GZMH: variants seen among roughly 807,000 people sequenced by gnomAD.
The protein encoded by GZMH is cathepsin G-like 2, protein h-CCPX.
In GZMH, 24 loss-of-function variants were observed where a neutral mutation model predicts 20.7. The ratio of observed to expected loss-of-function variants is 1.16; its 90% CI spans 0.84 to 1.63. GZMH has a LOEUF of 1.63. Among genes scored for constraint, GZMH ranks in the 40% most tolerant of loss-of-function variants. The pLI is 0.00. For missense variants in GZMH, 344 were observed against 302.7 expected, an observed-to-expected ratio of 1.14 and a Z score of -1.01; for synonymous variants, 119 against 116.1, an observed-to-expected ratio of 1.02 and a Z score of -0.16.
intron 2 of GZMH, 26 bp downstream of exon 2, chr14:24,608,239 G>T: frequency 6.2e-7 from 1 of 1,613,656 alleles, no homozygotes; most frequent in African/African-American, 1.3e-5. Context: ...GGGGAACTCA[G>T]GAGGTGAGCT....
chr14:24,608,397 C>A lies in GZMH; in HGVS notation c.71G>T (p.Gly24Val). The A allele has an allele frequency of 4.3e-6, 7 of 1,614,004 alleles. No homozygotes were observed. The highest frequency in any genetic ancestry group is 5.9e-6 in the Non-Finnish European group (7 of 1,179,918). Reference protein sequence around the residue: ...PGAGTEEIIGGHEAKPHSRPY... With the variant: ...PGAGTEEIIGVHEAKPHSRPY... ...GCGGGAGTGGGGCTTGGCCTCATGG[C>A]CCCCGATGATCTCCTCTGAAAGGAA... The change falls in exon 2 of 5, where the codon GGC (glycine) becomes GTC (valine). Residue 24 changes from glycine (G) to valine (V), a missense_variant. Coordinates refer to ENST00000216338, the MANE Select transcript of GZMH (RefSeq NM_033423.5).
In GZMH at chr14:24,609,541, A is replaced by G; in HGVS notation, c.55+18T>C. Reference sequence around the variant, plus strand: ...TATAAGATGGGTTCAGGCCTCTGGAATAGGGATAGTCACTTACCTGTCCCA... The same window carrying G: ...TATAAGATGGGTTCAGGCCTCTGGAGTAGGGATAGTCACTTACCTGTCCCA... On this transcript the variant is annotated intron_variant, in intron 1 of 4. Transcript: ENST00000216338. The G allele has an allele frequency of 6.3e-7, 1 of 1,578,756 alleles. No individual in the cohort carries two copies. Among genetic ancestry groups the G allele is most frequent in the East Asian group, 2.3e-5 (1 of 43,810 alleles).
At chr14:24,607,050 TG>T in intron 4 of GZMH, 98 bp downstream of exon 4, 1 of 1,290,656 alleles carries the variant, frequency 7.7e-7, no homozygotes, top group Non-Finnish European at 1.1e-6. Context: ...GCCCAAGCTC[TG>T]GGCTGAGAGC....
chr14:24,606,726 G>A lies in GZMH; in HGVS notation c.618C>T (p.Leu206=), dbSNP rs762989749. Residue 206 remains leucine (L), a synonymous_variant, in exon 5 of 5, where the codon CTC becomes CTT. Transcript: ENST00000216338. Reference sequence around the variant, plus strand: ...TACCTTGGGCTACGTCCTTACACACGAGGGGCCCCCCGGAGTCCCCCTGTG... The same window carrying A: ...TACCTTGGGCTACGTCCTTACACACAAGGGGCCCCCCGGAGTCCCCCTGTG... ...TGFKGDSGGP[L]VCKDVAQGIL... is the part of the protein sequence containing the mutation. 6.2e-7 allele frequency: 1 copy of A among 1,613,672 alleles called. No individual in the cohort carries two copies. Among genetic ancestry groups the A allele is most frequent in the Non-Finnish European group, 8.5e-7 (1 of 1,179,728 alleles).
Position 24,607,336 on chromosome 14 carries a change from T to C in GZMH, c.410A>G (p.Lys137Arg), listed in dbSNP as rs2066877364. 1 of 1,613,056 alleles carries C rather than the reference T, an allele frequency of 6.2e-7. No individual in the cohort carries two copies. Among genetic ancestry groups the C allele is most frequent in the East Asian group, 2.2e-5 (1 of 44,842 alleles). ...LRLPSSKAQV[K>R]PGQLCSVAGW... ...AGCCACACTGCACAGCTGCCCTGGC[T>C]TCACCTGGGCCTTGCTGCTAGGTAG... Residue 137 changes from lysine to arginine, a missense_variant, in exon 4 of 5, where the codon AAG (lysine) becomes AGG (arginine). Physicochemically the swap from Lys to Arg is conservative, Grantham distance 26 (BLOSUM62 2). Coordinates refer to ENST00000216338, the MANE Select transcript of GZMH (RefSeq NM_033423.5).
intron 4 of GZMH, 96 bp from the exon 5 acceptor site, chr14:24,606,842 T>C: frequency 9.0e-7 from 1 of 1,114,636 alleles, no homozygotes; most frequent in African/African-American, 1.5e-5. Flanking sequence ...GCAGGCCTTG[T>C]CACTCACCTC....
Position 24,607,288 on chromosome 14 carries a change from C to G in GZMH, c.458G>C (p.Ser153Thr). 1 of 1,614,088 alleles carries G rather than the reference C, an allele frequency of 6.2e-7. No homozygotes were observed. The highest frequency in any genetic ancestry group is 8.5e-7 in the Non-Finnish European group (1 of 1,180,026). The change falls in exon 4 of 5, where the codon AGC (serine) becomes ACC (threonine). Residue 153 changes from serine (S) to threonine (T), a missense_variant. Coordinates refer to ENST00000216338, the MANE Select transcript of GZMH (RefSeq NM_033423.5). ...SVAGWGYVSM[S>T]TLATTLQEVL... ...TTCCTGCAGTGTGGTTGCTAAAGTG[C>G]TCATTGAGACATAACCCCAGCCAGC...
rs751202637 is a variant in GZMH at position 24,607,158 on chromosome 14, G to A, written c.588C>T (p.Thr196=). 1.4e-5 allele frequency: 22 copies of A among 1,612,220 alleles called. No homozygotes were observed. Among genetic ancestry groups the A allele is most frequent in the Admixed American group, 1.0e-4 (6 of 59,932 alleles). Residue 196 remains threonine (T), a synonymous_variant, in exon 4 of 5, where the codon ACC becomes ACT. Transcript: ENST00000216338. ...AGGCTGGAAACCCAACCTTGAAACCGGTCTGTGTCTTCTTTGGATCCCCCA... is the reference window on the plus strand; with the variant it reads ...AGGCTGGAAACCCAACCTTGAAACCAGTCTGTGTCTTCTTTGGATCCCCCA... ...ICVGDPKKTQ[T]GFKGDSGGPL...
Position 24,608,270 on chromosome 14 carries a change from C to G in GZMH, c.198G>C (p.Gln66His). The G allele has an allele frequency of 6.2e-7, 1 of 1,614,152 alleles. No homozygotes were observed. The highest frequency in any genetic ancestry group is 8.5e-7 in the Non-Finnish European group (1 of 1,179,988). The change falls in exon 2 of 5, where the codon CAG (glutamine) becomes CAC (histidine). Residue 66 changes from glutamine to histidine, a missense_variant. Physicochemically the swap from Gln to His is conservative, Grantham distance 24 (BLOSUM62 0). Transcript: ENST00000216338. ...KDFVLTAAHC[Q>H]GSSINVTLGA... ...GAGCTGGTGCTGCTCCTTACCTTCCCTGGCAGTGAGCAGCTGTCAGCACAA... is the reference window on the plus strand; with the variant it reads ...GAGCTGGTGCTGCTCCTTACCTTCCGTGGCAGTGAGCAGCTGTCAGCACAA...
rs1455627813 is a variant in GZMH at position 24,606,727 on chromosome 14, AGGGGCCCCC to A, written c.608_616del (p.Gly203_Leu206delinsVal). 4 of 1,613,760 alleles carry A rather than the reference AGGGGCCCCC, an allele frequency of 2.5e-6. No homozygotes were observed. Among genetic ancestry groups the A allele is most frequent in the Non-Finnish European group, 3.4e-6 (4 of 1,179,820 alleles). On this transcript the variant is annotated inframe_deletion, in exon 5 of 5. Coordinates refer to ENST00000216338, the MANE Select transcript of GZMH (RefSeq NM_033423.5). Reference sequence around the variant, plus strand: ...ACCTTGGGCTACGTCCTTACACACGAGGGGCCCCCCGGAGTCCCCCTGTGAACAGAGAGA... The same window carrying A: ...ACCTTGGGCTACGTCCTTACACACGACGGAGTCCCCCTGTGAACAGAGAGA...
Position 24,607,184 on chromosome 14 carries a change from C to A in GZMH, c.562G>T (p.Val188Leu), listed in dbSNP as rs777741862. Residue 188 changes from valine to leucine, a missense_variant, in exon 4 of 5, where the codon GTG becomes TTG. By Grantham distance (32) the Val-to-Leu change is conservative. Transcript: ENST00000216338. The part of the protein sequence containing the change: ...GNYSRATEIC[V>L]GDPKKTQTGF... ...GTCTGTGTCTTCTTTGGATCCCCCA[C>A]ACAAATCTCAGTGGCTCTGCTGTAA... 6.2e-7 allele frequency: 1 copy of A among 1,613,846 alleles called. No individual in the cohort carries two copies. Among genetic ancestry groups the A allele is most frequent in the Non-Finnish European group, 8.5e-7 (1 of 1,179,898 alleles).
At chr14:24,609,163 G>A (rs1430808245) in intron 1 of GZMH, among the ~76,000 whole-genome samples, 2 of 152,214 alleles carry the variant, frequency 1.3e-5, no homozygotes, top group African/African-American at 4.8e-5. Flanking sequence ...GGGTGACTGG[G>A]TGGGGGCACT....
chr14:24,607,421 G>A lies in GZMH; in HGVS notation c.340-15C>T, dbSNP rs1243233923. 6.3e-7 allele frequency: 1 copy of A among 1,585,210 alleles called. No individual in the cohort carries two copies. ...TTTCTCTCCAGCTGGTGGGGAAGAA[G>A]CAAGAAAGTCCAGGTCAGGCAATGG... On this transcript the variant is annotated splice_polypyrimidine_tract_variant and intron_variant, in intron 3 of 4. Transcript: ENST00000216338.
chr14:24,609,661 C>T lies in GZMH; in HGVS notation c.-48G>A. The T allele has an allele frequency of 7.1e-7, 1 of 1,407,554 alleles. No homozygotes were observed. The highest frequency in any genetic ancestry group is 1.0e-6 in the Non-Finnish European group (1 of 1,000,898). 87.2% of individuals were successfully genotyped at this position (1,407,554 alleles called of 1,614,324 possible). A position where few individuals can be genotyped will look rare whatever the true frequency, so the allele number is the denominator to read the frequency against. Reference sequence around the variant, plus strand: ...TCAGAGCTGTTGGTGTTGACTCCTTCCAGAAACAAATGCTGGAGGGAGATG... The same window carrying T: ...TCAGAGCTGTTGGTGTTGACTCCTTTCAGAAACAAATGCTGGAGGGAGATG... On this transcript the variant is annotated 5_prime_UTR_variant, in exon 1 of 5. Coordinates refer to ENST00000216338, the MANE Select transcript of GZMH (RefSeq NM_033423.5).
chr14:24,607,571 A>T, intron 3 of GZMH, 41 bp downstream of exon 3: 2 of 1,612,016 alleles, frequency 1.2e-6, no homozygotes. Flanking sequence ...AGTGGAACCA[A>T]CTGGACCAAG....
Position 24,607,600 on chromosome 14 carries a change from A to T in GZMH, c.339+12T>A. ...GACCAAGAAGAGCAAGAGTGGCAGG[A>T]GTGTGCCTCACCTGCAGTAGCATGA... On this transcript the variant is annotated intron_variant, in intron 3 of 4. Coordinates refer to ENST00000216338, the MANE Select transcript of GZMH (RefSeq NM_033423.5). The T allele has an allele frequency of 6.2e-7, 1 of 1,603,586 alleles. No homozygotes were observed. The highest frequency in any genetic ancestry group is 8.5e-7 in the Non-Finnish European group (1 of 1,175,838).
intron 4 of GZMH, 54 bp from the exon 5 acceptor site, chr14:24,606,800 CTG>C: frequency 6.5e-7 from 1 of 1,545,978 alleles, no homozygotes; most frequent in Middle Eastern, 2.2e-4. Context: ...TGGGTGGTCT[CTG>C]TTATGGATTT....
chr14:24,607,821 A>G, intron 2 of GZMH, 74 bp from the exon 3 acceptor site: 1 of 1,607,186 alleles, frequency 6.2e-7, no homozygotes, highest in Admixed American at 1.7e-5. Context: ...AGAGCAGATG[A>G]CAGCTGTGGC....
intron 1 of GZMH, among the ~76,000 whole-genome samples, chr14:24,609,185 T>C (rs1465233162): frequency 2.0e-5 from 3 of 152,208 alleles, no homozygotes; most frequent in Admixed American, 6.5e-5. Flanking sequence ...AATAAGTGGT[T>C]CTTAAGCTGA....
Sources: gnomAD v4.1 joint callset for allele counts (sites outside exome capture counted in the v4.1 genomes callset) on GRCh38, gnomAD v4.1.1 for gene constraint, MANE v1.5 for transcripts, NCBI Gene and HGNC (gene_info 2026-07-23, HGNC 2026-07-21) for gene names.